The following TNPO3 variants were observed in gnomAD, a reference collection of about 807,000 sequenced individuals.
The protein encoded by TNPO3 is transportin-3.
TNPO3 carries 65 observed loss-of-function variants against 122.8 expected under a neutral mutation model. That is an observed-to-expected ratio of 0.53 (90% confidence interval 0.43 to 0.65). The LOEUF is 0.65. TNPO3 is among the 30% of genes least tolerant of loss of function. The probability of loss-of-function intolerance (pLI) is 0.00; values close to 1 mark genes in which losing one functional copy is unlikely to be tolerated. For missense variants in TNPO3, 850 were observed against 1,136.7 expected, an observed-to-expected ratio of 0.75 and a Z score of 3.63; for synonymous variants, 372 against 411.2, an observed-to-expected ratio of 0.90 and a Z score of 1.15.
Position 129,015,047 on chromosome 7 carries a change from C to T in TNPO3, c.484G>A (p.Gly162Arg), listed in dbSNP as rs2150425600. The stretch of plus-strand genomic sequence containing the variant: ...ATAATTTCTGTGCGCCGATTAGCTC[C>T]AATTCGTAAGGAACGACTATGTACT... ...EEVHSRSLRIGANRRTEIIED... is the reference protein window; with the variant it reads ...EEVHSRSLRIRANRRTEIIED... Residue 162 changes from glycine (G) to arginine (R), a missense_variant, in exon 4 of 23, where the codon GGA (glycine) becomes AGA (arginine). Physicochemically the swap from Gly to Arg is moderately radical, Grantham distance 125. Transcript: ENST00000265388. 1 of 1,613,028 alleles carries T rather than the reference C, an allele frequency of 6.2e-7. No homozygotes were observed. The highest frequency in any genetic ancestry group is 8.5e-7 in the Non-Finnish European group (1 of 1,179,850).
Position 128,990,096 on chromosome 7 carries a change from T to C in TNPO3, c.1363A>G (p.Asn455Asp), listed in dbSNP as rs1800594643. Residue 455 changes from asparagine to aspartate, a missense_variant, in exon 11 of 23, where the codon AAC (asparagine) becomes GAC (aspartate). Asn to Asp is a conservative substitution (Grantham distance 23). Transcript: ENST00000265388. Reference sequence around the variant, plus strand: ...AGGACTTCCACAAGTGTTGGATTGTTTTCCCTGAGTACAGGCGGTAAGTAC... The same window carrying C: ...AGGACTTCCACAAGTGTTGGATTGTCTTCCCTGAGTACAGGCGGTAAGTAC... ...AAIAKSVDPENNPTLVEVLEG... is the reference protein window; with the variant it reads ...AAIAKSVDPEDNPTLVEVLEG... 1 of 1,614,214 alleles carries C rather than the reference T, an allele frequency of 6.2e-7. No individual in the cohort carries two copies. The highest frequency in any genetic ancestry group is 8.5e-7 in the Non-Finnish European group (1 of 1,180,028).
Position 129,025,350 on chromosome 7 carries a change from CAAAAAAAAAAAAAAAAAAAAAAAAAAA to C in TNPO3, c.121-7220_121-7194del, listed in dbSNP as rs71162548. On this transcript the variant is annotated intron_variant, in intron 1 of 22. Coordinates refer to ENST00000265388, the MANE Select transcript of TNPO3 (RefSeq NM_012470.4). ...AGGCAACAAGAGTGAAACTCTGTCA[CAAAAAAAAAAAAAAAAAAAAAAAAAAA>C]AAAAAAAAAAAAAAAAAAAACCAGC... Among the ~76,000 whole-genome samples the C allele has an allele frequency of 2.6e-3, 54 of 20,720 alleles. No homozygotes were observed. In the South Asian group the frequency reaches 0.065, roughly 25 times the overall value. The allele number at this position is 20,720 out of a possible 152,430, so 13.6% of individuals were successfully genotyped here. A position where few individuals can be genotyped will look rare whatever the true frequency, so the allele number is the denominator to read the frequency against.
intron 1 of TNPO3, among the ~76,000 whole-genome samples, chr7:129,027,142 G>A (rs948645874): frequency 1.3e-5 from 2 of 152,112 alleles, no homozygotes; most frequent in Non-Finnish European, 2.9e-5. Context: ...CAACACACAG[G>A]AGTTAGTTTC....
rs1024399883 is a variant in TNPO3, at chr7:128,955,076, G to C, written c.*341C>G. ...GGTGAATGTTTCAGTTCTGGTTTCT[G>C]TTTAGTCTTCCTTTTTTTTCTTTTT... is the stretch of plus-strand genomic sequence containing the variant. On this transcript the variant is annotated 3_prime_UTR_variant, in exon 23 of 23. Transcript: ENST00000265388. The C allele has an allele frequency of 9.2e-6, 3 of 327,572 alleles. No homozygotes were observed. The highest frequency in any genetic ancestry group is 4.5e-5 in the African/African-American group (2 of 44,710). 20.3% of individuals were successfully genotyped at this position (327,572 alleles called of 1,614,324 possible).
intron 21 of TNPO3, among the ~76,000 whole-genome samples, chr7:128,965,756 TG>T (rs1797871720): frequency 2.0e-5 from 3 of 152,190 alleles, no homozygotes; most frequent in African/African-American, 7.2e-5. Context: ...AGCCTTTAAA[TG>T]GAAGAAAATT....
intron 21 of TNPO3, among the ~76,000 whole-genome samples, chr7:128,959,476 G>A (rs747314994): frequency 7.9e-5 from 12 of 152,282 alleles, no homozygotes; most frequent in Middle Eastern, 3.4e-3. Flanking sequence ...GATTACAGGC[G>A]TGAGTCACTG....
rs181302999 is a variant in TNPO3, at chr7:129,045,305, T to C, written c.120+9346A>G. On this transcript the variant is annotated intron_variant, in intron 1 of 22. Coordinates refer to ENST00000265388, the MANE Select transcript of TNPO3 (RefSeq NM_012470.4). Reference sequence around the variant, plus strand: ...GGTGATGGTTGCACAACAATGTCAATGTATGTAATACCACTGAACTGCACA... The same window carrying C: ...GGTGATGGTTGCACAACAATGTCAACGTATGTAATACCACTGAACTGCACA... Among the ~76,000 whole-genome samples the C allele has an allele frequency of 2.6e-5, 4 of 152,242 alleles. No homozygotes were observed. The East Asian group carries it at 5.8e-4, about 22-fold the overall frequency.
At chr7:128,988,858 T>G (rs574706896) in intron 11 of TNPO3, among the ~76,000 whole-genome samples, 1 of 152,124 alleles carries the variant, frequency 6.6e-6, no homozygotes, top group South Asian at 2.1e-4. Context: ...GCGGGCAGAT[T>G]ACTTGTGGTC....
intron 15 of TNPO3, 47 bp from the exon 16 acceptor site, chr7:128,979,170 A>G (rs1799383460): frequency 1.2e-6 from 2 of 1,606,296 alleles, no homozygotes; most frequent in East Asian, 4.5e-5. Flanking sequence ...ATCAACAACT[A>G]GGACCTGAAA....
intron 1 of TNPO3, among the ~76,000 whole-genome samples, chr7:129,021,804 A>C: frequency 6.6e-6 from 1 of 152,204 alleles, no homozygotes; most frequent in East Asian, 1.9e-4. Flanking sequence ...GAGAAGGAAC[A>C]TTTCAGAAAT....
At chr7:129,009,981 C>G (rs1342939191) in intron 4 of TNPO3, among the ~76,000 whole-genome samples, 1 of 151,726 alleles carries the variant, frequency 6.6e-6, no homozygotes, top group African/African-American at 2.4e-5. Flanking sequence ...CCTAAATGAA[C>G]ATGAGTCCAT....
At position 128,992,444 on chromosome 7, in the gene TNPO3, T is replaced by G. The variant is rs139451669; in HGVS notation, c.1267-354A>C. 5.6e-3 allele frequency among the ~76,000 whole-genome samples: 856 copies of G among 152,174 alleles called. 11 individuals are homozygous for G. Among genetic ancestry groups the G allele is most frequent in the African/African-American group, 0.02 (810 of 41,514 alleles). On this transcript the variant is annotated intron_variant, in intron 9 of 22. Coordinates refer to ENST00000265388, the MANE Select transcript of TNPO3 (RefSeq NM_012470.4). Reference sequence around the variant, plus strand: ...ACTTAAAATAGAGATACAATGTAAATCCTCTATATATGTATTGGCTTTACA... The same window carrying G: ...ACTTAAAATAGAGATACAATGTAAAGCCTCTATATATGTATTGGCTTTACA...
At position 129,000,446 on chromosome 7, in the gene TNPO3, C is replaced by G. The variant is rs1166830747; in HGVS notation, c.994G>C (p.Gly332Arg). ...RTLELLLICAGHPQYEVVEIS... is the reference protein window; with the variant it reads ...RTLELLLICARHPQYEVVEIS... ...AACACTACCTCATATTGAGGATGGC[C>G]TGCACAGATAAGCAGCAGCTCCAGA... The change falls in exon 7 of 23, where the codon GGC becomes CGC. Residue 332 changes from glycine to arginine, a missense_variant. Coordinates refer to ENST00000265388, the MANE Select transcript of TNPO3 (RefSeq NM_012470.4). 2.5e-6 allele frequency: 4 copies of G among 1,613,968 alleles called. No individual in the cohort carries two copies. The highest frequency in any genetic ancestry group is 3.4e-6 in the Non-Finnish European group (4 of 1,179,984).
chr7:128,966,463 C>CA (rs748533182), intron 21 of TNPO3, among the ~76,000 whole-genome samples: 44 of 152,162 alleles, frequency 2.9e-4, no homozygotes, highest in Non-Finnish European at 5.4e-4. Flanking sequence ...TAAAATCCAA[C>CA]TTAAGTTGCT....
intron 1 of TNPO3, among the ~76,000 whole-genome samples, chr7:129,040,572 T>C (rs1807256291): frequency 6.6e-6 from 1 of 152,202 alleles, no homozygotes. Flanking sequence ...CTTAAGATGG[T>C]GCACTTTATG....
At position 129,017,054 on chromosome 7, in the gene TNPO3, C is replaced by G. The variant is rs762539078; in HGVS notation, c.324G>C (p.Leu108=). The part of the protein sequence containing the change: ...KDLSPVIVTQ[L]ALAIADLALQ... ...GGGCAAGATCTGCTATTGCTAAAGC[C>G]AGCTGAATAAGAGAGATTAAATAAA... Residue 108 remains leucine, a splice_region_variant and synonymous_variant, in exon 3 of 23, where the codon CTG becomes CTC. Coordinates refer to ENST00000265388, the MANE Select transcript of TNPO3 (RefSeq NM_012470.4). 1 of 1,611,302 alleles carries G rather than the reference C, an allele frequency of 6.2e-7. No homozygotes were observed. Among genetic ancestry groups the G allele is most frequent in the Non-Finnish European group, 8.5e-7 (1 of 1,179,598 alleles).
At chr7:129,010,015 GAA>G (rs560132323) in intron 4 of TNPO3, among the ~76,000 whole-genome samples, 1 of 143,770 alleles carries the variant, frequency 7.0e-6, no homozygotes, top group Non-Finnish European at 1.5e-5. Flanking sequence ...GACAAAGCCA[GAA>G]AAAAAAAAAT....
intron 21 of TNPO3, among the ~76,000 whole-genome samples, chr7:128,966,083 T>G (rs192620905): frequency 6.8e-4 from 104 of 152,354 alleles, no homozygotes; most frequent in African/African-American, 2.4e-3. Context: ...TCATGTTATG[T>G]GTATTTTTAT....
chr7:129,004,234 T>C (rs867216955), intron 5 of TNPO3, among the ~76,000 whole-genome samples: 42 of 152,202 alleles, frequency 2.8e-4, no homozygotes, highest in Non-Finnish European at 4.3e-4. Context: ...TTCTGAGTAA[T>C]AGCGCATCGG....
Sources: gnomAD v4.1 joint callset for allele counts (sites outside exome capture counted in the v4.1 genomes callset) on GRCh38, gnomAD v4.1.1 for gene constraint, MANE v1.5 for transcripts, NCBI Gene and HGNC (gene_info 2026-07-23, HGNC 2026-07-21) for gene names.